CHLSN: variants seen among roughly 807,000 people sequenced by gnomAD.
CHLSN encodes protein cholesin.
chr7:1,075,603 G>C, the CHLSN span, among the ~76,000 whole-genome samples: 4 of 133,152 alleles, frequency 3.0e-5, no homozygotes, highest in Non-Finnish European at 6.5e-5. Context: ...CAACAAATCG[G>C]GTCACTTTTT....
At chr7:1,108,231 CGGGG>C in the CHLSN span, among the ~76,000 whole-genome samples, 528 of 19,060 alleles carry the variant, frequency 0.028, 82 homozygotes, top group African/African-American at 0.069. Flanking sequence ...TCCCGCACCC[CGGGG>C]GGGAAGCAGA....
At chr7:1,002,356 TG>T in the CHLSN span, among the ~76,000 whole-genome samples, 5 of 110,948 alleles carry the variant, frequency 4.5e-5, no homozygotes, top group Admixed American at 9.2e-5. Context: ...TGGGGAGTCC[TG>T]TGGGTGAATG....
At chr7:984,627 C>G in the CHLSN span, 1 of 1,518,836 alleles carries the variant, frequency 6.6e-7, no homozygotes, top group African/African-American at 1.4e-5. Flanking sequence ...GCACCTGGAC[C>G]CCAGGAGGGG....
At chr7:1,071,825 C>G in the CHLSN span, among the ~76,000 whole-genome samples, 1 of 152,216 alleles carries the variant, frequency 6.6e-6, no homozygotes, top group Admixed American at 6.5e-5. Flanking sequence ...GCAGCCTTGC[C>G]CCTGTGGGAC....
chr7:993,240 C>T, the CHLSN span, among the ~76,000 whole-genome samples: 10 of 152,138 alleles, frequency 6.6e-5, no homozygotes, highest in Admixed American at 5.2e-4. Flanking sequence ...GTGGAGAGAG[C>T]GCCCGTTCCC....
the CHLSN span, among the ~76,000 whole-genome samples, chr7:1,137,001 A>G: frequency 6.4e-4 from 98 of 152,224 alleles, no homozygotes; most frequent in African/African-American, 2.3e-3. Flanking sequence ...GATGGCTTTT[A>G]AACTCCTAAA....
the CHLSN span, among the ~76,000 whole-genome samples, chr7:1,078,394 G>A: frequency 2.6e-5 from 4 of 152,142 alleles, no homozygotes; most frequent in Non-Finnish European, 5.9e-5. Context: ...AGAAGACGAA[G>A]GCCTGCGAAG....
the CHLSN span, among the ~76,000 whole-genome samples, chr7:1,094,323 C>G: frequency 6.6e-6 from 1 of 152,236 alleles, no homozygotes; most frequent in Non-Finnish European, 1.5e-5. Flanking sequence ...TCCGTCTTCA[C>G]AGAAACCTGC....
the CHLSN span, chr7:997,909 C>G: frequency 1.9e-6 from 2 of 1,080,964 alleles, no homozygotes; most frequent in Non-Finnish European, 2.7e-6. Flanking sequence ...CTCAGGCTTC[C>G]GTCCTCCCAC....
At chr7:993,298 G>A in the CHLSN span, among the ~76,000 whole-genome samples, 1 of 152,212 alleles carries the variant, frequency 6.6e-6, no homozygotes, top group African/African-American at 2.4e-5. Flanking sequence ...GCCAGGGCCT[G>A]ACTGTGACTG....
At chr7:1,061,693 G>C in the CHLSN span, among the ~76,000 whole-genome samples, 1 of 152,086 alleles carries the variant, frequency 6.6e-6, no homozygotes, top group Non-Finnish European at 1.5e-5. Flanking sequence ...TGAGCCACTC[G>C]GGGCAGAAAA....
the CHLSN span, among the ~76,000 whole-genome samples, chr7:1,049,685 CCTGT>C: frequency 1.3e-5 from 2 of 152,192 alleles, no homozygotes; most frequent in Non-Finnish European, 2.9e-5. Context: ...ACTACGAAGC[CCTGT>C]CTAACATTCC....
At chr7:1,016,223 A>G in the CHLSN span, among the ~76,000 whole-genome samples, 1 of 51,372 alleles carries the variant, frequency 1.9e-5, no homozygotes, top group Non-Finnish European at 3.4e-5. Context: ...ACAGCAGCAC[A>G]CGCCAGCACA....
the CHLSN span, chr7:1,028,157 C>T: frequency 9.5e-6 from 8 of 846,366 alleles, no homozygotes; most frequent in Non-Finnish European, 1.1e-5. Flanking sequence ...CCACGGCCTC[C>T]CACGGGAGCG....
At chr7:1,011,893 C>T in the CHLSN span, among the ~76,000 whole-genome samples, 2 of 152,188 alleles carry the variant, frequency 1.3e-5, no homozygotes, top group Admixed American at 6.5e-5. Context: ...AGGCCTGGGC[C>T]GCCCACACAC....
chr7:1,099,652 T>C, the CHLSN span, among the ~76,000 whole-genome samples: 1 of 152,246 alleles, frequency 6.6e-6, no homozygotes, highest in Non-Finnish European at 1.5e-5. Context: ...TGAGTCTCTC[T>C]GGACTCCCTC....
At chr7:1,101,086 ATGG>A in the CHLSN span, among the ~76,000 whole-genome samples, 3 of 152,232 alleles carry the variant, frequency 2.0e-5, no homozygotes. Context: ...TCCCAGTGTC[ATGG>A]TGGCCCCTGA....
chr7:1,082,286 GTGCTCCCGCCCAGCGCGT>G, the CHLSN span: 1 of 152,300 alleles, frequency 6.6e-6, no homozygotes, highest in Non-Finnish European at 1.5e-5. Flanking sequence ...TAAGGTCAGA[GTGCTCCCGCCCAGCGCGT>G]GGCTCCGCGG....
At chr7:1,064,086 C>T in the CHLSN span, among the ~76,000 whole-genome samples, 1 of 148,530 alleles carries the variant, frequency 6.7e-6, no homozygotes, top group Non-Finnish European at 1.5e-5. Context: ...GTGCCTCAGG[C>T]AGCATACACA....
Sources: gnomAD v4.1 joint callset for allele counts (sites outside exome capture counted in the v4.1 genomes callset) on GRCh38, gnomAD v4.1.1 for gene constraint, MANE v1.5 for transcripts, NCBI Gene and HGNC (gene_info 2026-07-23, HGNC 2026-07-21) for gene names.